The following CTNNA3 variants were observed in gnomAD, a reference collection of about 807,000 sequenced individuals.
The protein encoded by CTNNA3 is catenin alpha-3.
CTNNA3 carries 76 observed loss-of-function variants against 95.7 expected under a neutral mutation model. That is an observed-to-expected ratio of 0.79 (90% CI 0.66 to 0.96). CTNNA3 has a LOEUF of 0.96. CTNNA3 is among the 40% of genes least tolerant of loss of function. The probability of loss-of-function intolerance (pLI) is 0.00; values close to 1 mark genes in which losing one functional copy is unlikely to be tolerated. For synonymous variants in CTNNA3, 431 were observed against 374.4 expected, an observed-to-expected ratio of 1.15 and a Z score of -1.74; for missense variants, 1,191 against 1,089.8, an observed-to-expected ratio of 1.09 and a Z score of -1.31.
intron 5 of CTNNA3, among the ~76,000 whole-genome samples, chr10:67,510,393 G>A (rs2133127125): frequency 6.6e-6 from 1 of 151,442 alleles, no homozygotes; most frequent in African/African-American, 2.4e-5. Flanking sequence ...TCCAGTTTCA[G>A]CTTTCTACAT....
intron 11 of CTNNA3, among the ~76,000 whole-genome samples, chr10:66,439,362 C>A (rs1289180162): frequency 6.6e-6 from 1 of 151,878 alleles, no homozygotes; most frequent in Non-Finnish European, 1.5e-5. Context: ...ATGAAGAACA[C>A]ACATTAAAAA....
At chr10:67,040,995 T>C (rs2133145905) in intron 7 of CTNNA3, among the ~76,000 whole-genome samples, 1 of 152,214 alleles carries the variant, frequency 6.6e-6, no homozygotes, top group East Asian at 1.9e-4. Flanking sequence ...TACTTTTTTT[T>C]AGATTTAGAA....
At chr10:67,391,845 T>G (rs2132771544) in intron 5 of CTNNA3, among the ~76,000 whole-genome samples, 1 of 151,476 alleles carries the variant, frequency 6.6e-6, no homozygotes, top group African/African-American at 2.4e-5. Context: ...GAAAACTGGC[T>G]ACCCATTTGT....
intron 3 of CTNNA3, among the ~76,000 whole-genome samples, chr10:67,544,991 C>T (rs1432970157): frequency 6.6e-6 from 1 of 152,058 alleles, no homozygotes; most frequent in Non-Finnish European, 1.5e-5. Context: ...AGCGCTGCAC[C>T]ATTGGGAACT....
At chr10:66,361,544 C>T (rs906765501) in intron 12 of CTNNA3, among the ~76,000 whole-genome samples, 3 of 148,204 alleles carry the variant, frequency 2.0e-5, no homozygotes, top group African/African-American at 7.5e-5. Flanking sequence ...TTCTTTCTTT[C>T]TTTCTTTTTT....
At chr10:67,593,272 G>T (rs1431780320) in intron 3 of CTNNA3, among the ~76,000 whole-genome samples, 1 of 152,128 alleles carries the variant, frequency 6.6e-6, no homozygotes, top group Non-Finnish European at 1.5e-5. Flanking sequence ...TAGTGCTGCA[G>T]TGAACACATG....
intron 11 of CTNNA3, among the ~76,000 whole-genome samples, chr10:66,439,292 T>C (rs2093359847): frequency 1.3e-5 from 2 of 152,178 alleles, no homozygotes; most frequent in Admixed American, 6.5e-5. Context: ...TATAAATTTA[T>C]ATTTTCTAAT....
intron 5 of CTNNA3, among the ~76,000 whole-genome samples, chr10:67,233,766 A>G (rs1460050884): frequency 6.6e-6 from 1 of 151,672 alleles, no homozygotes; most frequent in Admixed American, 6.6e-5. Context: ...GACCGCTAGC[A>G]AGACTAATAA....
chr10:66,751,330 G>T (rs927803396), intron 9 of CTNNA3, among the ~76,000 whole-genome samples: 50 of 152,194 alleles, frequency 3.3e-4, no homozygotes, highest in African/African-American at 1.1e-3. Flanking sequence ...ATTGACTTTT[G>T]TATATTAATC....
intron 2 of CTNNA3, among the ~76,000 whole-genome samples, 186 bp from the exon 3 acceptor site, chr10:67,607,235 G>A (rs968313477): frequency 7.9e-5 from 12 of 152,042 alleles, no homozygotes; most frequent in Admixed American, 7.2e-4. Context: ...ACATAACTAC[G>A]AATAGCCTAC....
intron 7 of CTNNA3, among the ~76,000 whole-genome samples, chr10:67,144,195 T>C (rs1223193071): frequency 6.6e-6 from 1 of 152,218 alleles, no homozygotes; most frequent in African/African-American, 2.4e-5. Flanking sequence ...ACGTTGGGTT[T>C]AAAATATTTA....
chr10:66,587,613 T>C (rs1363448910), intron 10 of CTNNA3, among the ~76,000 whole-genome samples: 2 of 152,086 alleles, frequency 1.3e-5, no homozygotes, highest in Non-Finnish European at 2.9e-5. Context: ...TGGGGTAATA[T>C]TTCAGGGAGT....
At chr10:66,767,927 A>G (rs1318940329) in intron 8 of CTNNA3, among the ~76,000 whole-genome samples, 1 of 152,222 alleles carries the variant, frequency 6.6e-6, no homozygotes, top group East Asian at 1.9e-4. Flanking sequence ...AAGGCAAATT[A>G]CTAGTGGCAA....
At chr10:66,235,892 A>G (rs1452706998) in intron 13 of CTNNA3, among the ~76,000 whole-genome samples, 4 of 152,286 alleles carry the variant, frequency 2.6e-5, no homozygotes, top group Non-Finnish European at 5.9e-5. Flanking sequence ...TAAATTGTCC[A>G]TCTGTCCTAT....
intron 5 of CTNNA3, among the ~76,000 whole-genome samples, chr10:67,295,801 C>G (rs1840007668): frequency 6.6e-6 from 1 of 152,164 alleles, no homozygotes; most frequent in Non-Finnish European, 1.5e-5. Flanking sequence ...TTAGAAGACA[C>G]ACACCTGTGA....
intron 15 of CTNNA3, among the ~76,000 whole-genome samples, chr10:66,017,211 G>C (rs1400152271): frequency 6.6e-6 from 1 of 152,088 alleles, no homozygotes; most frequent in African/African-American, 2.4e-5. Flanking sequence ...TTTATAATAT[G>C]CTTCTTGTAC....
chr10:67,553,860 T>C (rs1462232588), intron 3 of CTNNA3, among the ~76,000 whole-genome samples: 1 of 152,090 alleles, frequency 6.6e-6, no homozygotes, highest in African/African-American at 2.4e-5. Flanking sequence ...GCTGCACCCA[T>C]TAACTCATCA....
intron 6 of CTNNA3, among the ~76,000 whole-genome samples, chr10:67,202,574 AAAAATT>A (rs1863698519): frequency 1.3e-5 from 2 of 152,132 alleles, no homozygotes; most frequent in South Asian, 4.1e-4. Flanking sequence ...AAAAACTAAT[AAAAATT>A]ATGTTTTACT....
chr10:67,050,785 G>T (rs1855043884), intron 7 of CTNNA3, among the ~76,000 whole-genome samples: 1 of 152,210 alleles, frequency 6.6e-6, no homozygotes, highest in Non-Finnish European at 1.5e-5. Context: ...AATGAGGTAG[G>T]TTGTGATTGA....
Sources: gnomAD v4.1 joint callset for allele counts (sites outside exome capture counted in the v4.1 genomes callset) on GRCh38, gnomAD v4.1.1 for gene constraint, MANE v1.5 for transcripts, NCBI Gene and HGNC (gene_info 2026-07-23, HGNC 2026-07-21) for gene names.